The following CNTNAP2 variants were observed in gnomAD, a reference collection of about 807,000 sequenced individuals.
CNTNAP2 encodes contactin-associated protein-like 2.
A neutral mutation model predicts 155.2 loss-of-function variants in CNTNAP2; 98 were observed. That is an observed-to-expected ratio of 0.63 (90% confidence interval 0.54 to 0.75). CNTNAP2 has a LOEUF of 0.75. Ranked by LOEUF, CNTNAP2 falls within the 30% of genes least tolerant of loss-of-function variation. CNTNAP2 has a pLI of 0.00. For missense variants in CNTNAP2, 1,727 were observed against 1,688.1 expected (o/e 1.02, Z -0.40); for synonymous variants, 651 against 631.2 (o/e 1.03, Z -0.47).
intron 14 of CNTNAP2, among the ~76,000 whole-genome samples, chr7:147,917,803 C>T (rs1012779703): frequency 3.3e-5 from 5 of 152,174 alleles, no homozygotes; most frequent in Non-Finnish European, 7.3e-5. Flanking sequence ...ACAGTAGGTC[C>T]CTGTGATCTC....
intron 2 of CNTNAP2, among the ~76,000 whole-genome samples, chr7:146,820,334 T>A (rs1045193807): frequency 1.1e-4 from 16 of 152,148 alleles, no homozygotes; most frequent in Admixed American, 5.9e-4. Context: ...AATAAAAAAA[T>A]TATATAGTTA....
At chr7:147,720,661 C>G (rs752177034) in intron 13 of CNTNAP2, among the ~76,000 whole-genome samples, 1 of 151,956 alleles carries the variant, frequency 6.6e-6, no homozygotes, top group Non-Finnish European at 1.5e-5. Flanking sequence ...TCAGGAGATC[C>G]GATGGTTTTA....
At chr7:148,197,605 T>C (rs1795297243) in intron 18 of CNTNAP2, among the ~76,000 whole-genome samples, 1 of 152,186 alleles carries the variant, frequency 6.6e-6, no homozygotes, top group Non-Finnish European at 1.5e-5. Context: ...ACAGAACATG[T>C]CCATTCAGGG....
intron 1 of CNTNAP2, among the ~76,000 whole-genome samples, chr7:146,418,500 A>G (rs1215620567): frequency 6.6e-6 from 1 of 152,174 alleles, no homozygotes; most frequent in East Asian, 1.9e-4. Context: ...ACCTTTTTCT[A>G]TATATTTTCT....
chr7:146,820,801 C>A (rs1194229921), intron 2 of CNTNAP2, among the ~76,000 whole-genome samples: 3 of 152,042 alleles, frequency 2.0e-5, no homozygotes, highest in East Asian at 1.9e-4. Context: ...GTGGGAGTCT[C>A]AGTCTCTGTA....
chr7:148,003,326 C>T (rs927831626), intron 15 of CNTNAP2, among the ~76,000 whole-genome samples: 4 of 152,082 alleles, frequency 2.6e-5, no homozygotes, highest in Admixed American at 1.3e-4. Flanking sequence ...TCTCCCAGCC[C>T]CTAATACTTC....
intron 8 of CNTNAP2, among the ~76,000 whole-genome samples, chr7:147,278,748 TTA>T (rs1344524087): frequency 1.3e-5 from 2 of 151,534 alleles, no homozygotes; most frequent in African/African-American, 2.4e-5. Flanking sequence ...CTATAAAATT[TTA>T]TGTCTATCAT....
In CNTNAP2 at chr7:147,446,120, TTTC is replaced by T. The variant is rs1432625959; in HGVS notation, c.1671-39812_1671-39810del. ...GCAAGACACACTTGCTCTTTGTTTCTTTCTTTTTTTTTTTTTTTTTTAACCTGT... is the reference window on the plus strand; with the variant it reads ...GCAAGACACACTTGCTCTTTGTTTCTTTTTTTTTTTTTTTTTTTAACCTGT... On this transcript the variant is annotated intron_variant, in intron 10 of 23. Coordinates refer to ENST00000361727, the MANE Select transcript of CNTNAP2 (RefSeq NM_014141.6). Among the ~76,000 whole-genome samples the T allele has an allele frequency of 4.4e-4, 59 of 134,814 alleles. 1 individual carries two copies. The South Asian group carries it at 0.012, about 26-fold the overall frequency. 88.4% of individuals were successfully genotyped at this position (134,814 alleles called of 152,430 possible). A position where few individuals can be genotyped will look rare whatever the true frequency, so the allele number is the denominator to read the frequency against.
rs547271274 is a variant in CNTNAP2, at chr7:147,037,609, A to G, written c.403-6298A>G. ...CCTGAGTAGCTGGGATTACAGGTGC[A>G]TGCCACCATGCCTGGCTAATTTTTT... is the stretch of plus-strand genomic sequence containing the variant. On this transcript the variant is annotated intron_variant, in intron 3 of 23. Coordinates refer to ENST00000361727, the MANE Select transcript of CNTNAP2 (RefSeq NM_014141.6). 8.7e-4 allele frequency among the ~76,000 whole-genome samples: 132 copies of G among 151,968 alleles called. 2 individuals are homozygous for G. Among genetic ancestry groups the G allele is most frequent in the Admixed American group, 1.6e-3 (24 of 15,270 alleles).
At chr7:146,357,190 A>T (rs1233485235) in intron 1 of CNTNAP2, among the ~76,000 whole-genome samples, 1 of 149,052 alleles carries the variant, frequency 6.7e-6, no homozygotes, top group Non-Finnish European at 1.5e-5. Flanking sequence ...TTCCCAGCAT[A>T]ATTTCCCAAA....
chr7:146,408,486 G>C (rs563413104), intron 1 of CNTNAP2, among the ~76,000 whole-genome samples: 27 of 152,106 alleles, frequency 1.8e-4, no homozygotes, highest in African/African-American at 6.5e-4. Flanking sequence ...CATGGATGAA[G>C]CTGGAAACCA....
At chr7:147,994,252 G>T (rs1801764368) in intron 15 of CNTNAP2, among the ~76,000 whole-genome samples, 1 of 151,798 alleles carries the variant, frequency 6.6e-6, no homozygotes, top group African/African-American at 2.4e-5. Flanking sequence ...CATGCCCGTG[G>T]CCCAACTACT....
rs140952829 is a variant in CNTNAP2 at position 148,172,440 on chromosome 7, G to C, written c.2972G>C (p.Cys991Ser). 6.8e-6 allele frequency: 11 copies of C among 1,614,172 alleles called. No individual in the cohort carries two copies. Among genetic ancestry groups the C allele is most frequent in the Non-Finnish European group, 9.3e-6 (11 of 1,180,022 alleles). Residue 991 changes from cysteine to serine, a missense_variant, in exon 18 of 24, where the codon TGC (cysteine) becomes TCC (serine). Cys to Ser is a moderately radical substitution (Grantham distance 112). Transcript: ENST00000361727. Reference sequence around the variant, plus strand: ...AGATACCACGGTTACTCCTGCGATTGCTCTAATACTGCATATGATGGAACA... The same window carrying C: ...AGATACCACGGTTACTCCTGCGATTCCTCTAATACTGCATATGATGGAACA... ...LERYHGYSCD[C>S]SNTAYDGTFC...
chr7:148,122,216 A>G (rs1222014317), intron 16 of CNTNAP2, among the ~76,000 whole-genome samples: 1 of 152,208 alleles, frequency 6.6e-6, no homozygotes, highest in African/African-American at 2.4e-5. Context: ...GAAGTGGCAG[A>G]GCTGGTGTTT....
intron 13 of CNTNAP2, among the ~76,000 whole-genome samples, chr7:147,716,651 T>C (rs529308037): frequency 6.6e-6 from 1 of 152,210 alleles, no homozygotes; most frequent in Admixed American, 6.5e-5. Flanking sequence ...GCTACCGGCA[T>C]CCCCCGTGCA....
At chr7:146,211,081 C>T (rs1799027305) in intron 1 of CNTNAP2, among the ~76,000 whole-genome samples, 1 of 151,998 alleles carries the variant, frequency 6.6e-6, no homozygotes, top group Admixed American at 6.6e-5. Context: ...GCCTTGCAAA[C>T]ATAAACACAT....
intron 13 of CNTNAP2, among the ~76,000 whole-genome samples, chr7:147,740,533 C>T (rs1796940129): frequency 6.6e-6 from 1 of 152,144 alleles, no homozygotes; most frequent in South Asian, 2.1e-4. Flanking sequence ...CTGAGCTTTT[C>T]TCTATAAAGA....
Position 147,132,324 on chromosome 7 carries a change from G to A in CNTNAP2, c.1163G>A (p.Gly388Glu). 6.2e-7 allele frequency: 1 copy of A among 1,613,696 alleles called. No homozygotes were observed. The highest frequency in any genetic ancestry group is 1.7e-4 in the Middle Eastern group (1 of 6,056). The change falls in exon 8 of 24, where the codon GGA becomes GAA. Residue 388 changes from glycine (G) to glutamate (E), a missense_variant. Physicochemically the swap from Gly to Glu is moderately conservative, Grantham distance 98. Transcript: ENST00000361727. The part of the protein sequence containing the change: ...FNATSYLEVP[G>E]RLNQDLFSVS... ...GCTACAAGTTACCTGGAGGTGCCCG[G>A]ACGGCTTAACCAGGACCTGTTCTCA...
intron 14 of CNTNAP2, among the ~76,000 whole-genome samples, chr7:147,972,937 AG>A (rs1801359407): frequency 1.3e-5 from 2 of 152,094 alleles, no homozygotes; most frequent in Non-Finnish European, 2.9e-5. Context: ...CACACCGTGA[AG>A]CCAGGAGTTT....
Sources: gnomAD v4.1 joint callset for allele counts (sites outside exome capture counted in the v4.1 genomes callset) on GRCh38, gnomAD v4.1.1 for gene constraint, MANE v1.5 for transcripts, NCBI Gene and HGNC (gene_info 2026-07-23, HGNC 2026-07-21) for gene names.